Variants in ADGRV1 observed in about 807,000 individuals in gnomAD.
ADGRV1 encodes the protein adhesion G protein-coupled receptor V1, also known as G-protein coupled receptor 98.
ADGRV1 carries 359 observed loss-of-function variants against 596.2 expected under a neutral mutation model. That is an observed-to-expected ratio of 0.60 (90% confidence interval 0.55 to 0.66). The LOEUF (loss-of-function observed/expected upper bound fraction) is 0.66, where lower values mean the gene tolerates loss of function less well. ADGRV1 is among the 30% of genes least tolerant of loss of function. The probability of loss-of-function intolerance (pLI) is 0.00; values close to 1 mark genes in which losing one functional copy is unlikely to be tolerated. For synonymous variants in ADGRV1, 2,681 were observed against 2,679.2 expected (o/e 1.00, Z -0.02); for missense variants, 7,274 against 7,575.6 (o/e 0.96, Z 1.48).
At chr5:91,156,077 A>G (rs560494404) in intron 89 of ADGRV1, among the ~76,000 whole-genome samples, 1 of 152,356 alleles carries the variant, frequency 6.6e-6, no homozygotes, top group Non-Finnish European at 1.5e-5. Flanking sequence ...TTGCAGGAGG[A>G]AACTGATGAG....
chr5:90,758,693 T>G (rs1581025430), intron 57 of ADGRV1, among the ~76,000 whole-genome samples: 1 of 152,252 alleles, frequency 6.6e-6, no homozygotes, highest in East Asian at 1.9e-4. Flanking sequence ...TTAGGTAGAT[T>G]TAATTTCATT....
intron 83 of ADGRV1, among the ~76,000 whole-genome samples, chr5:90,927,766 G>C (rs931444408): frequency 6.6e-6 from 1 of 152,082 alleles, no homozygotes; most frequent in African/African-American, 2.4e-5. Context: ...GCAGTGGCTG[G>C]TACTGGTTGT....
At chr5:90,560,253 TAGA>T (rs1306068544) in intron 1 of ADGRV1, among the ~76,000 whole-genome samples, 1 of 152,124 alleles carries the variant, frequency 6.6e-6, no homozygotes, top group Non-Finnish European at 1.5e-5. Context: ...TTATTACTTT[TAGA>T]AGAAGTAACC....
Position 90,651,694 on chromosome 5 carries a change from A to G in ADGRV1, c.3380A>G (p.Asp1127Gly). The change falls in exon 18 of 90, where the codon GAC (aspartate) becomes GGC (glycine). Residue 1127 changes from aspartate to glycine, a missense_variant. Physicochemically the swap from Asp to Gly is moderately conservative, Grantham distance 94. Around this residue, in one of 5 missense-constraint regions of ADGRV1, gnomAD observed 1,715 missense variants for 1,708.8 expected, o/e 1.00. Transcript: ENST00000405460. ...PNGIFSLEPI[D>G]KAVEEGKTNA... The stretch of plus-strand genomic sequence containing the variant: ...GGCATTTTTTCTCTGGAGCCCATAG[A>G]CAAAGCAGTGGAAGAAGGAAAGACT... The G allele has an allele frequency of 6.2e-7, 1 of 1,612,906 alleles. No homozygotes were observed. Among genetic ancestry groups the G allele is most frequent in the Non-Finnish European group, 8.5e-7 (1 of 1,179,218 alleles).
chr5:91,156,796 T>G (rs1302744621), intron 89 of ADGRV1, among the ~76,000 whole-genome samples: 1 of 152,164 alleles, frequency 6.6e-6, no homozygotes, highest in Non-Finnish European at 1.5e-5. Flanking sequence ...CTTTCCCTCC[T>G]AGAATATGGT....
intron 25 of ADGRV1, chr5:90,676,941 T>C (rs1744303984): frequency 6.6e-6 from 1 of 152,226 alleles, no homozygotes. Flanking sequence ...TCATCTGCGC[T>C]AAGTGAGGCT....
chr5:90,972,419 G>A lies in ADGRV1; in HGVS notation c.17973+6888G>A, dbSNP rs548965084. ...TATACATTCTTCTCAGCACCACATC[G>A]CACTTATTCCAAAATTGACCACATA... is the stretch of plus-strand genomic sequence containing the variant. On this transcript the variant is annotated intron_variant, in intron 84 of 89. Transcript: ENST00000405460. Among the ~76,000 whole-genome samples, 99 of 152,094 alleles carry A rather than the reference G, an allele frequency of 6.5e-4. 2 individuals are homozygous for A. The Middle Eastern group carries it at 0.01, about 16-fold the overall frequency.
At chr5:91,012,934 CTCA>C (rs1469735705) in intron 85 of ADGRV1, among the ~76,000 whole-genome samples, 2 of 151,950 alleles carry the variant, frequency 1.3e-5, no homozygotes, top group Non-Finnish European at 2.9e-5. Context: ...CTCATGAGTT[CTCA>C]TCATTTAGCT....
intron 83 of ADGRV1, among the ~76,000 whole-genome samples, chr5:90,881,415 A>G (rs1196228952): frequency 6.6e-6 from 1 of 152,132 alleles, no homozygotes; most frequent in Non-Finnish European, 1.5e-5. Flanking sequence ...GACTGTTAAT[A>G]ATATTATTTA....
Position 90,786,644 on chromosome 5 carries a change from G to A in ADGRV1, c.13654-1427G>A, listed in dbSNP as rs76133954. Among the ~76,000 whole-genome samples, 355 of 152,298 alleles carry A rather than the reference G, an allele frequency of 2.3e-3. 1 individual carries two copies. Among genetic ancestry groups the A allele is most frequent in the African/African-American group, 8.3e-3 (345 of 41,574 alleles). ...ACAAGGTGGTGGAAATAAAGATGGC[G>A]AGAAGTGGGTATACATTGATATTTG... On this transcript the variant is annotated intron_variant, in intron 67 of 89. Transcript: ENST00000405460.
chr5:91,125,136 T>G (rs1188006994), intron 87 of ADGRV1, among the ~76,000 whole-genome samples: 1 of 152,184 alleles, frequency 6.6e-6, no homozygotes, highest in Non-Finnish European at 1.5e-5. Context: ...AGTCACACAC[T>G]GCCTTTCTTT....
rs1028300075 is a variant in ADGRV1, at chr5:90,971,039, C to A, written c.17973+5508C>A. On this transcript the variant is annotated intron_variant, in intron 84 of 89. Coordinates refer to ENST00000405460, the MANE Select transcript of ADGRV1 (RefSeq NM_032119.4). ...CCTGATGGAGCTGAAAACCATGGCA[C>A]AAGAACTACGTGATGAATGCACAAG... 3.9e-5 allele frequency among the ~76,000 whole-genome samples: 6 copies of A among 152,118 alleles called. No homozygotes were observed. In the East Asian group the frequency reaches 1.2e-3, roughly 29 times the overall value.
chr5:90,652,528 A>G lies in ADGRV1; in HGVS notation c.3599A>G (p.Asn1200Ser). 6.2e-7 allele frequency: 1 copy of G among 1,612,052 alleles called. No individual in the cohort carries two copies. Among genetic ancestry groups the G allele is most frequent in the Non-Finnish European group, 8.5e-7 (1 of 1,178,654 alleles). ...TTTCCAGATAAAATTCCTGAATTCAATGAATTTTATTTCCTAAAACTTGTA... is the reference window on the plus strand; with the variant it reads ...TTTCCAGATAAAATTCCTGAATTCAGTGAATTTTATTTCCTAAAACTTGTA... ...HAFPDKIPEF[N>S]EFYFLKLVNI... is the part of the protein sequence containing the mutation. The change falls in exon 19 of 90, where the codon AAT (asparagine) becomes AGT (serine). Residue 1200 changes from asparagine to serine, a missense_variant. Around this residue, in one of 5 missense-constraint regions of ADGRV1, gnomAD observed 1,715 missense variants for 1,708.8 expected, o/e 1.00. Coordinates refer to ENST00000405460, the MANE Select transcript of ADGRV1 (RefSeq NM_032119.4).
intron 26 of ADGRV1, among the ~76,000 whole-genome samples, 166 bp from the exon 27 acceptor site, chr5:90,681,149 A>G (rs562899898): frequency 6.6e-6 from 1 of 152,368 alleles, no homozygotes; most frequent in East Asian, 1.9e-4. Flanking sequence ...AAAAGCATGA[A>G]TATGTGTGGC....
chr5:91,101,242 G>A (rs977748597), intron 86 of ADGRV1, among the ~76,000 whole-genome samples: 4 of 152,160 alleles, frequency 2.6e-5, no homozygotes, highest in South Asian at 2.1e-4. Context: ...CTACTTGCAC[G>A]TCTTCTGTAT....
chr5:90,846,341 G>C (rs1345977663), intron 78 of ADGRV1: 1 of 152,332 alleles, frequency 6.6e-6, no homozygotes, highest in African/African-American at 2.4e-5. Flanking sequence ...CATAGTGTAA[G>C]AATCATAGAG....
intron 89 of ADGRV1, among the ~76,000 whole-genome samples, chr5:91,155,741 A>C (rs1239114048): frequency 1.3e-5 from 2 of 152,200 alleles, no homozygotes; most frequent in African/African-American, 2.4e-5. Context: ...GTAAGGAGTG[A>C]GATTTTTATA....
At chr5:90,829,278 T>C (rs1764332819) in intron 77 of ADGRV1, 92 bp downstream of exon 77, 2 of 1,086,514 alleles carry the variant, frequency 1.8e-6, no homozygotes, top group Non-Finnish European at 1.2e-6. Context: ...GATACATTAT[T>C]TTCTGAGGAT....
intron 82 of ADGRV1, among the ~76,000 whole-genome samples, chr5:90,859,979 T>C (rs1581349201): frequency 6.6e-6 from 1 of 151,350 alleles, no homozygotes; most frequent in East Asian, 1.9e-4. Context: ...TAGACCCAGC[T>C]ACTCAGGTGG....
Sources: allele counts gnomAD v4.1 joint callset (sites outside exome capture counted in the v4.1 genomes callset), GRCh38; gene constraint gnomAD v4.1.1; regional missense constraint gnomAD v4.1.1; transcripts MANE v1.5; gene names NCBI Gene and HGNC (gene_info 2026-07-23, HGNC 2026-07-21).